BDH2: variants seen among roughly 807,000 people sequenced by gnomAD.
The protein encoded by BDH2 is 3-hydroxybutyrate dehydrogenase 2.
A neutral mutation model predicts 33.2 loss-of-function variants in BDH2; 24 were observed. That is an observed-to-expected ratio of 0.72 (90% CI 0.52 to 1.02). The LOEUF (loss-of-function observed/expected upper bound fraction) is 1.02, where lower values mean the gene tolerates loss of function less well. Among genes scored for constraint, BDH2 ranks in the 50% least tolerant of loss-of-function variants. The pLI is 0.00. For missense variants in BDH2, 249 were observed against 301.6 expected, an observed-to-expected ratio of 0.83 and a Z score of 1.29; for synonymous variants, 81 against 101.6, an observed-to-expected ratio of 0.80 and a Z score of 1.22.
chr4:103,083,872 C>G (rs1002799857), intron 7 of BDH2, among the ~76,000 whole-genome samples: 1 of 152,152 alleles, frequency 6.6e-6, no homozygotes, highest in Non-Finnish European at 1.5e-5. Context: ...AATCAGAAAG[C>G]CTGACTCCAT....
At chr4:103,084,374 T>C (rs1006705886) in intron 7 of BDH2, among the ~76,000 whole-genome samples, 1 of 152,160 alleles carries the variant, frequency 6.6e-6, no homozygotes, top group Non-Finnish European at 1.5e-5. Context: ...GGCTGGAGAT[T>C]TGTGACTATA....
chr4:103,085,048 AC>A (rs1747709718), intron 7 of BDH2, among the ~76,000 whole-genome samples: 1 of 152,252 alleles, frequency 6.6e-6, no homozygotes, highest in African/African-American at 2.4e-5. Context: ...AGGTAAAAGT[AC>A]ATATCAATTT....
chr4:103,078,389 G>A lies in BDH2; in HGVS notation c.*1313C>T, dbSNP rs1374711910. ...TTCTGTTATCCTGGAGTTTGGTGAA[G>A]AAATCTGTACTTAATTTAGAAAAGA... is the stretch of plus-strand genomic sequence containing the variant. On this transcript the variant is annotated 3_prime_UTR_variant, in exon 10 of 10. Coordinates refer to ENST00000296424, the MANE Select transcript of BDH2 (RefSeq NM_020139.4). Among the ~76,000 whole-genome samples, 2 of 152,074 alleles carry A rather than the reference G, an allele frequency of 1.3e-5. No individual in the cohort carries two copies. The highest frequency in any genetic ancestry group is 3.8e-4 in the East Asian group (2 of 5,196).
At chr4:103,083,308 C>T (rs1451212506) in intron 7 of BDH2, among the ~76,000 whole-genome samples, 1 of 152,182 alleles carries the variant, frequency 6.6e-6, no homozygotes, top group Non-Finnish European at 1.5e-5. Context: ...ATCGTACAAG[C>T]ACTTTGCCAG....
Position 103,082,101 on chromosome 4 carries a change from C to T in BDH2, c.664G>A (p.Val222Met), listed in dbSNP as rs748357012. ...CTTACTTCATCAGAAGCCAAATACA[C>T]GCAGAGCATGGCTATTTCTTCTGCA... Reference protein sequence around the residue: ...ATAEEIAMLCVYLASDESAYV... With the variant: ...ATAEEIAMLCMYLASDESAYV... Residue 222 changes from valine (V) to methionine (M), a missense_variant, in exon 9 of 10, where the codon GTG (valine) becomes ATG (methionine). Physicochemically the swap from Val to Met is conservative, Grantham distance 21 (BLOSUM62 1). Coordinates refer to ENST00000296424, the MANE Select transcript of BDH2 (RefSeq NM_020139.4). 9.9e-6 allele frequency: 16 copies of T among 1,613,916 alleles called. No individual in the cohort carries two copies. The highest frequency in any genetic ancestry group is 3.3e-5 in the South Asian group (3 of 91,070).
In BDH2 at chr4:103,085,404, T is replaced by C; in HGVS notation, c.477A>G (p.Lys159=). The stretch of plus-strand genomic sequence containing the variant: ...GCTGGATGAAATCTGCAGCCACAGA[T>C]TTTGTGAGGCCAATCACGGCTGCCT... ...TTKAAVIGLT[K]SVAADFIQQG... is the part of the protein sequence containing the mutation. The change falls in exon 7 of 10, where the codon AAA becomes AAG. Residue 159 remains lysine (K), a synonymous_variant. Transcript: ENST00000296424. 1.2e-6 allele frequency: 2 copies of C among 1,612,776 alleles called. No homozygotes were observed. The highest frequency in any genetic ancestry group is 1.7e-6 in the Non-Finnish European group (2 of 1,179,840).
At chr4:103,097,614 A>G (rs1298995748) in intron 1 of BDH2, 1 of 152,230 alleles carries the variant, frequency 6.6e-6, no homozygotes, top group Non-Finnish European at 1.5e-5. Flanking sequence ...CAAAAGCCAA[A>G]AGGCTTTCAG....
At chr4:103,091,804 T>A in intron 4 of BDH2, 3 of 452,904 alleles carry the variant, frequency 6.6e-6, no homozygotes, top group Non-Finnish European at 1.3e-5. Context: ...GATTCCTATT[T>A]CAAGAGCAAC....
In BDH2 at chr4:103,095,237, A is replaced by AAAT; in HGVS notation, c.116_117insATT (p.Asn39delinsLysPhe). 6.2e-7 allele frequency: 1 copy of AAAT among 1,613,908 alleles called. No homozygotes were observed. Among genetic ancestry groups the AAAT allele is most frequent in the Non-Finnish European group, 8.5e-7 (1 of 1,179,842 alleles). On this transcript the variant is annotated protein_altering_variant, in exon 3 of 10. Transcript: ENST00000296424. ...TTTCCAGTTCCTGAAGTTTGGACTC[A>AAAT]TTAATGTCTGTGGCTATGACTTTGG...
At chr4:103,096,525 T>C (rs1056212878) in intron 1 of BDH2, among the ~76,000 whole-genome samples, 11 of 149,350 alleles carry the variant, frequency 7.4e-5, no homozygotes, top group Admixed American at 4.7e-4. Flanking sequence ...GTGACAGACA[T>C]TGGCCATTTT....
chr4:103,081,359 G>C (rs1206012301), intron 9 of BDH2, among the ~76,000 whole-genome samples: 1 of 152,144 alleles, frequency 6.6e-6, no homozygotes, highest in Non-Finnish European at 1.5e-5. Context: ...GTGCAGTGGC[G>C]CAATCCCGGC....
intron 5 of BDH2, among the ~76,000 whole-genome samples, chr4:103,089,411 C>T (rs531155234): frequency 2.1e-4 from 32 of 152,200 alleles, no homozygotes; most frequent in Non-Finnish European, 4.0e-4. Context: ...GTCAAGGTCA[C>T]TTTAAACAAG....
intron 5 of BDH2, among the ~76,000 whole-genome samples, chr4:103,089,798 G>A (rs1231110146): frequency 6.6e-6 from 1 of 151,958 alleles, no homozygotes; most frequent in Non-Finnish European, 1.5e-5. Context: ...AAATACTATA[G>A]TTTCTCATAA....
At chr4:103,086,840 G>A (rs1026785283) in intron 5 of BDH2, among the ~76,000 whole-genome samples, 1 of 152,194 alleles carries the variant, frequency 6.6e-6, no homozygotes, top group African/African-American at 2.4e-5. Flanking sequence ...AATGAAATGT[G>A]AATAAATGTT....
chr4:103,085,613 T>G, intron 6 of BDH2, 151 bp from the exon 7 acceptor site: 2 of 1,481,334 alleles, frequency 1.4e-6, no homozygotes, highest in Non-Finnish European at 1.8e-6. Flanking sequence ...ATTTTTTTCC[T>G]TCAATAGAGT....
intron 4 of BDH2, chr4:103,091,683 T>C (rs1339902161): frequency 2.2e-6 from 1 of 454,878 alleles, no homozygotes; most frequent in East Asian, 7.0e-5. Flanking sequence ...AGTTTTAGGA[T>C]GCAGTGAGCT....
At chr4:103,085,915 A>C (rs1019738198) in intron 6 of BDH2, 2 of 1,185,962 alleles carry the variant, frequency 1.7e-6, no homozygotes, top group East Asian at 6.0e-5. Context: ...CACAGATCCA[A>C]CTATGCCAGA....
chr4:103,086,524 G>C lies in BDH2; in HGVS notation c.374C>G (p.Ser125Cys), dbSNP rs142838082. ...AGAAGACATGTTGATAATATTGCCA[G>C]ATTTCTGAGCAAGCATCTGCCAAAA... ...AFLPKMLAQK[S>C]GNIINMSSVA... Residue 125 changes from serine (S) to cysteine (C), a missense_variant, in exon 6 of 10, where the codon TCT becomes TGT. By Grantham distance (112) the Ser-to-Cys change is moderately radical. Transcript: ENST00000296424. 6 of 1,607,958 alleles carry C rather than the reference G, an allele frequency of 3.7e-6. No individual in the cohort carries two copies. In the African/African-American group the frequency reaches 8.1e-5, roughly 22 times the overall value.
Position 103,086,250 on chromosome 4 carries a change from A to G in BDH2, c.418+230T>C, listed in dbSNP as rs899985408. On this transcript the variant is annotated intron_variant, in intron 6 of 9. Transcript: ENST00000296424. ...GTTCATTTCCATGTCCATTAGAAAG[A>G]ATAAAAGGGAGGGCAAAAATACCCC... The G allele has an allele frequency of 1.1e-5, 14 of 1,296,506 alleles. No individual in the cohort carries two copies. In the African/African-American group the frequency reaches 2.1e-4, roughly 19 times the overall value. The allele number at this position is 1,296,506 out of a possible 1,614,324, so 80.3% of individuals were successfully genotyped here. A position where few individuals can be genotyped will look rare whatever the true frequency, so the allele number is the denominator to read the frequency against.
Sources: gnomAD v4.1 joint callset for allele counts (sites outside exome capture counted in the v4.1 genomes callset) on GRCh38, gnomAD v4.1.1 for gene constraint, MANE v1.5 for transcripts, NCBI Gene and HGNC (gene_info 2026-07-23, HGNC 2026-07-21) for gene names.